Variants in CDKN2A observed in about 807,000 individuals in gnomAD.
CDKN2A encodes cyclin-dependent kinase inhibitor 2A.
CDKN2A carries 3 observed loss-of-function variants against 11.1 expected under a neutral mutation model. The observed-to-expected ratio is 0.27, with a 90% CI of 0.12 to 0.70. The LOEUF (loss-of-function observed/expected upper bound fraction) is 0.70, where lower values mean the gene tolerates loss of function less well. Ranked by LOEUF, CDKN2A falls within the 30% of genes least tolerant of loss-of-function variation. The probability of loss-of-function intolerance (pLI) is 0.77; values close to 1 mark genes in which losing one functional copy is unlikely to be tolerated. For synonymous variants in CDKN2A, 122 were observed against 108.1 expected, an observed-to-expected ratio of 1.13 and a Z score of -0.80; for missense variants, 265 against 233.6, an observed-to-expected ratio of 1.13 and a Z score of -0.88.
chr9:21,971,789 C>T (rs1423768936), intron 1 of CDKN2A, among the ~76,000 whole-genome samples: 2 of 151,886 alleles, frequency 1.3e-5, no homozygotes, highest in Admixed American at 1.3e-4. Context: ...TTATGTGGTA[C>T]AATATGAAGT....
In CDKN2A at chr9:21,974,530, T is replaced by G. The variant is rs1329286662; in HGVS notation, c.150+148A>C. On this transcript the variant is annotated intron_variant, in intron 1 of 2. Transcript: ENST00000304494. The surrounding 1 kb of genome is among the most constrained non-coding windows in gnomAD (Gnocchi z 5.2). ...CCCAGGGCGTCGCCAGGAGGAGGTC[T>G]GTGATTACAAACCCCTTCTGAAAAC... The G allele has an allele frequency of 6.2e-7, 1 of 1,613,286 alleles. No homozygotes were observed. Among genetic ancestry groups the G allele is most frequent in the South Asian group, 1.1e-5 (1 of 90,274 alleles).
At chr9:21,975,456 A>G (rs1025257738), upstream of CDKN2A, among the ~76,000 whole-genome samples, 1 of 151,960 alleles carries the variant, frequency 6.6e-6, no homozygotes, top group African/African-American at 2.4e-5. Context: ...GTACGACTAG[A>G]AAGTGTCCCC....
At position 21,968,708 on chromosome 9, in the gene CDKN2A, G is replaced by A. The variant is rs952503767; in HGVS notation, c.458-466C>T. On this transcript the variant is annotated intron_variant, in intron 2 of 2. Transcript: ENST00000304494. This position sits in a 1 kb window ranked among gnomAD's most constrained non-coding sequence, Gnocchi z 4.7. Reference sequence around the variant, plus strand: ...GCCTCAGGCTCTGGCGCTCCTCGGCGGAATCCCGTAGCTTCCCTACGCATG... The same window carrying A: ...GCCTCAGGCTCTGGCGCTCCTCGGCAGAATCCCGTAGCTTCCCTACGCATG... 1.1e-5 allele frequency: 17 copies of A among 1,536,052 alleles called. No individual in the cohort carries two copies. The Middle Eastern group carries it at 8.3e-4, about 75-fold the overall frequency.
chr9:21,968,403 A>G lies in CDKN2A; in HGVS notation c.458-161T>C. 2.1e-6 allele frequency: 2 copies of G among 974,910 alleles called. No homozygotes were observed. Among genetic ancestry groups the G allele is most frequent in the Non-Finnish European group, 2.4e-6 (2 of 820,358 alleles). 60.4% of individuals were successfully genotyped at this position (974,910 alleles called of 1,614,324 possible). On this transcript the variant is annotated intron_variant, in intron 2 of 2. Transcript: ENST00000304494. This position sits in a 1 kb window ranked among gnomAD's most constrained non-coding sequence, Gnocchi z 4.7. ...ATGTACCCGCCGCCACCGCTCTCCC[A>G]CACCTCCCTGGTCCAGCAGCTAGTC...
At chr9:21,994,211 C>G (rs1064793582) in intron 1 of CDKN2A, 1 of 1,605,888 alleles carries the variant, frequency 6.2e-7, no homozygotes, top group Non-Finnish European at 8.5e-7. Context: ...GCCACAGCGG[C>G]GGGCGCCCCT....
chr9:21,984,759 C>G (rs778421968), intron 2 of CDKN2A, among the ~76,000 whole-genome samples: 7 of 152,040 alleles, frequency 4.6e-5, no homozygotes, highest in Non-Finnish European at 7.4e-5. Flanking sequence ...GGAAGCTTTT[C>G]TCATCAAATG....
In CDKN2A at chr9:21,992,447, G is replaced by A. The variant is rs1284540063; in HGVS notation, c.-4+1435C>T. The A allele has an allele frequency of 4.1e-6, 4 of 980,808 alleles. No individual in the cohort carries two copies. In the African/African-American group the frequency reaches 5.3e-5, roughly 13 times the overall value. The allele number at this position is 980,808 out of a possible 1,614,324, so 60.8% of individuals were successfully genotyped here. On this transcript the variant is annotated intron_variant, in intron 2 of 3. Coordinates refer to the CDKN2A transcript ENST00000494262. Reference sequence around the variant, plus strand: ...TCTTGAGAAACTTCCTGAAGATTGCGCTTTTCACATACGTCCTGAAAATTG... The same window carrying A: ...TCTTGAGAAACTTCCTGAAGATTGCACTTTTCACATACGTCCTGAAAATTG...
chr9:21,993,954 T>A (rs1820512645), exon 2 of CDKN2A: 5 of 686,664 alleles, frequency 7.3e-6, no homozygotes, highest in Non-Finnish European at 1.0e-5. Context: ...TGAAGGGAGG[T>A]CCAGGTTCAA....
At chr9:21,994,446 C>T in intron 1 of CDKN2A, 2 of 1,562,898 alleles carry the variant, frequency 1.3e-6, no homozygotes, top group Non-Finnish European at 1.7e-6. Flanking sequence ...CGCACCGCCC[C>T]CTGCCCATCT....
upstream of CDKN2A, among the ~76,000 whole-genome samples, chr9:21,976,122 T>C (rs1252957444): frequency 5.3e-5 from 8 of 152,140 alleles, no homozygotes; most frequent in Non-Finnish European, 8.8e-5. Flanking sequence ...CTCACACCTG[T>C]AATCCCAGCA....
Position 21,968,674 on chromosome 9 carries a change from C to T in CDKN2A, c.458-432G>A. On this transcript the variant is annotated intron_variant, in intron 2 of 2. Coordinates refer to ENST00000304494, the MANE Select transcript of CDKN2A (RefSeq NM_000077.5). This position sits in a 1 kb window ranked among gnomAD's most constrained non-coding sequence, Gnocchi z 4.7. ...GAGTGAGCCAGCCAGCTTGCGATAA[C>T]CAAAGGGCGCCTCAGGCTCTGGCGC... 1 of 1,535,888 alleles carries T rather than the reference C, an allele frequency of 6.5e-7. No individual in the cohort carries two copies. Among genetic ancestry groups the T allele is most frequent in the Non-Finnish European group, 8.7e-7 (1 of 1,146,742 alleles).
At chr9:21,983,373 T>C (rs1021530293) in intron 2 of CDKN2A, among the ~76,000 whole-genome samples, 3 of 152,112 alleles carry the variant, frequency 2.0e-5, no homozygotes, top group Non-Finnish European at 4.4e-5. Flanking sequence ...GTGAATATTA[T>C]GCAATTTTGA....
chr9:21,983,827 G>A (rs1820246270), intron 2 of CDKN2A, among the ~76,000 whole-genome samples: 1 of 152,010 alleles, frequency 6.6e-6, no homozygotes, highest in Non-Finnish European at 1.5e-5. Flanking sequence ...TTTTGGAAAT[G>A]ACACATATGC....
chr9:21,994,067 A>C, intron 1 of CDKN2A: 2 of 1,502,464 alleles, frequency 1.3e-6, no homozygotes, highest in South Asian at 2.3e-5. Context: ...GAGACGAATT[A>C]TCTGTTTACG....
chr9:21,975,074 A>T (rs535603939), upstream of CDKN2A: 1 of 1,318,360 alleles, frequency 7.6e-7, no homozygotes, highest in East Asian at 3.1e-5. Flanking sequence ...CGAATGTGGC[A>T]CCCCTGAAGT....
At chr9:21,979,360 A>G (rs1377196321), upstream of CDKN2A, among the ~76,000 whole-genome samples, 1 of 152,198 alleles carries the variant, frequency 6.6e-6, no homozygotes, top group Non-Finnish European at 1.5e-5. Context: ...TATGCCATGA[A>G]GTGAGGCAGA....
chr9:21,994,300 A>G lies in CDKN2A; in HGVS notation c.-175-247T>C. ...TCGCGGCGGGCCGCACGCGCGCCGA[A>G]TCCGGAGGGTCACCAAGAACCTGCG... On this transcript the variant is annotated intron_variant, in intron 1 of 3. Coordinates refer to the CDKN2A transcript ENST00000494262. The G allele has an allele frequency of 6.2e-7, 1 of 1,604,770 alleles. No homozygotes were observed. The highest frequency in any genetic ancestry group is 1.7e-5 in the Admixed American group (1 of 59,648).
rs1819495465 is a variant in CDKN2A, at chr9:21,968,070, T to C, written c.*159A>G. The C allele has an allele frequency of 1.4e-6, 1 of 709,532 alleles. No homozygotes were observed. The highest frequency in any genetic ancestry group is 2.6e-6 in the Non-Finnish European group (1 of 384,636). The allele number at this position is 709,532 out of a possible 1,614,324, so 44.0% of individuals were successfully genotyped here. A position where few individuals can be genotyped will look rare whatever the true frequency, so the allele number is the denominator to read the frequency against. Reference sequence around the variant, plus strand: ...ATTTACGGTAGTGGGGGAAGGCATATATCTACGTTAAAAGGCAGGACATTT... The same window carrying C: ...ATTTACGGTAGTGGGGGAAGGCATACATCTACGTTAAAAGGCAGGACATTT... On this transcript the variant is annotated 3_prime_UTR_variant, in exon 3 of 3. Transcript: ENST00000304494. The surrounding 1 kb of genome is among the most constrained non-coding windows in gnomAD (Gnocchi z 4.7).
chr9:21,969,670 T>A (rs1434545076), intron 2 of CDKN2A: 1 of 396,600 alleles, frequency 2.5e-6, no homozygotes, highest in Admixed American at 4.4e-5. Context: ...CTCCTCAGGC[T>A]TTTTGCTCAG....
Sources: allele counts gnomAD v4.1 joint callset (sites outside exome capture counted in the v4.1 genomes callset), GRCh38; gene constraint gnomAD v4.1.1; non-coding constraint Gnocchi (gnomAD v3.1); transcripts MANE v1.5; gene names NCBI Gene and HGNC (gene_info 2026-07-23, HGNC 2026-07-21).